Variants in CARMIL1 observed in about 807,000 individuals in gnomAD.
CARMIL1 encodes the protein capping protein regulator and myosin 1 linker 1, also known as F-actin-uncapping protein LRRC16A.
In CARMIL1, 90 loss-of-function variants were observed where a neutral mutation model predicts 177.1. That is an observed-to-expected ratio of 0.51 (90% CI 0.43 to 0.61). The LOEUF (loss-of-function observed/expected upper bound fraction) is 0.61, where lower values mean the gene tolerates loss of function less well. Ranked by LOEUF, CARMIL1 falls within the 20% of genes least tolerant of loss-of-function variation. The pLI is 0.00. For synonymous variants in CARMIL1, 577 were observed against 606.2 expected, an observed-to-expected ratio of 0.95 and a Z score of 0.71; for missense variants, 1,380 against 1,667.0, an observed-to-expected ratio of 0.83 and a Z score of 3.00.
At chr6:25,284,428 G>A (rs776315453) in intron 1 of CARMIL1, among the ~76,000 whole-genome samples, 1 of 152,212 alleles carries the variant, frequency 6.6e-6, no homozygotes, top group African/African-American at 2.4e-5. Flanking sequence ...AAAGACAAAC[G>A]GTCGGGCACG....
At chr6:25,402,257 T>C (rs1793951833) in intron 2 of CARMIL1, among the ~76,000 whole-genome samples, 1 of 152,208 alleles carries the variant, frequency 6.6e-6, no homozygotes, top group Non-Finnish European at 1.5e-5. Context: ...AAGACTCTTC[T>C]ATCTTTATTT....
At chr6:25,495,461 A>G (rs753575186) in intron 16 of CARMIL1, among the ~76,000 whole-genome samples, 1 of 152,102 alleles carries the variant, frequency 6.6e-6, no homozygotes, top group Non-Finnish European at 1.5e-5. Context: ...CTGATCTACA[A>G]AAGTTGTACT....
intron 5 of CARMIL1, among the ~76,000 whole-genome samples, chr6:25,443,969 A>G: frequency 6.6e-6 from 1 of 151,726 alleles, no homozygotes; most frequent in East Asian, 1.9e-4. Context: ...ACGCCCGAAT[A>G]ATTTTGTGTT....
At chr6:25,425,445 T>C (rs766837630) in intron 3 of CARMIL1, among the ~76,000 whole-genome samples, 2 of 152,194 alleles carry the variant, frequency 1.3e-5, no homozygotes, top group Non-Finnish European at 2.9e-5. Flanking sequence ...CAACGTATCA[T>C]GGTACAACAT....
chr6:25,505,475 C>G (rs4711085), intron 17 of CARMIL1, among the ~76,000 whole-genome samples: 1 of 151,742 alleles, frequency 6.6e-6, no homozygotes, highest in African/African-American at 2.4e-5. Context: ...TTAATTGAGA[C>G]GAAGTTTTGC....
intron 8 of CARMIL1, 34 bp downstream of exon 8, chr6:25,450,745 TCCC>T: frequency 1.7e-6 from 1 of 586,766 alleles, no homozygotes; most frequent in Non-Finnish European, 2.6e-6. Flanking sequence ...CCTCCTTTCC[TCCC>T]TCCCTTCCTC....
At chr6:25,441,119 C>T (rs1797702899) in intron 5 of CARMIL1, among the ~76,000 whole-genome samples, 1 of 151,846 alleles carries the variant, frequency 6.6e-6, no homozygotes. Context: ...AATATACAGC[C>T]TGGGCAACAT....
At chr6:25,557,951 C>T (rs1810775592) in intron 29 of CARMIL1, among the ~76,000 whole-genome samples, 1 of 152,120 alleles carries the variant, frequency 6.6e-6, no homozygotes, top group South Asian at 2.1e-4. Context: ...AAGCAACATT[C>T]TAATATCACT....
intron 23 of CARMIL1, among the ~76,000 whole-genome samples, chr6:25,528,271 AC>A (rs1206056962): frequency 1.3e-5 from 2 of 152,168 alleles, no homozygotes; most frequent in Non-Finnish European, 2.9e-5. Flanking sequence ...TTTGAGTTGT[AC>A]CAGCCTGTAT....
chr6:25,500,167 G>A lies in CARMIL1; in HGVS notation c.1327G>A (p.Ala443Thr). The stretch of plus-strand genomic sequence containing the variant: ...AATATGTGTGTTTCCTCCCCTCAGA[G>A]CACTGTTATTGGGCCTGGCTTGTAA... ...GTKLSPEPLK[A>T]LLLGLACNHN... is the part of the protein sequence containing the mutation. Residue 443 changes from alanine (A) to threonine (T), a missense_variant and splice_region_variant, in exon 17 of 37, where the codon GCA (alanine) becomes ACA (threonine). Transcript: ENST00000329474. The A allele has an allele frequency of 1.2e-6, 2 of 1,613,784 alleles. No homozygotes were observed. Among genetic ancestry groups the A allele is most frequent in the Non-Finnish European group, 1.7e-6 (2 of 1,179,748 alleles).
intron 2 of CARMIL1, among the ~76,000 whole-genome samples, chr6:25,370,648 G>A (rs937700087): frequency 4.6e-5 from 7 of 152,278 alleles, no homozygotes; most frequent in African/African-American, 1.7e-4. Flanking sequence ...TGTCTGCCTC[G>A]TAGCTCTTCC....
intron 31 of CARMIL1, among the ~76,000 whole-genome samples, chr6:25,587,471 C>T (rs1813873309): frequency 1.3e-5 from 2 of 152,034 alleles, no homozygotes; most frequent in Admixed American, 6.5e-5. Context: ...TTGCCTACGT[C>T]GTTGAGTTGT....
At chr6:25,389,423 C>T (rs1361683081) in intron 2 of CARMIL1, among the ~76,000 whole-genome samples, 3 of 152,286 alleles carry the variant, frequency 2.0e-5, no homozygotes, top group East Asian at 3.9e-4. Context: ...TCAAGCTATC[C>T]TCCTGCCTCA....
chr6:25,516,489 C>A (rs1806012927), intron 21 of CARMIL1, among the ~76,000 whole-genome samples: 1 of 152,096 alleles, frequency 6.6e-6, no homozygotes, highest in Non-Finnish European at 1.5e-5. Flanking sequence ...CTCAAGGGCT[C>A]TTTCATGATG....
Position 25,580,966 on chromosome 6 carries a change from C to T in CARMIL1, c.2785C>T (p.Leu929=), listed in dbSNP as rs1287680476. 5 of 1,601,428 alleles carry T rather than the reference C, an allele frequency of 3.1e-6. No homozygotes were observed. The change falls in exon 30 of 37, where the codon CTG becomes TTG. Residue 929 remains leucine, a synonymous_variant. Coordinates refer to ENST00000329474, the MANE Select transcript of CARMIL1 (RefSeq NM_017640.6). ...AAGGAAGAGTATCCATAGCCGAATG[C>T]TGCGGCCTGTTTCTAGGGCTTTTGG... ...SKRKSIHSRM[L]RPVSRAFEME...
intron 17 of CARMIL1, among the ~76,000 whole-genome samples, chr6:25,505,454 CTCTCT>C (rs1016548962): frequency 1.3e-5 from 2 of 152,030 alleles, no homozygotes; most frequent in Non-Finnish European, 2.9e-5. Context: ...ATCTTTCATT[CTCTCT>C]TTTTTTTAAT....
At position 25,342,007 on chromosome 6, in the gene CARMIL1, TCAGGGCTAGTTG is replaced by T. The variant is rs529924601; in HGVS notation, c.138+57100_138+57111del. ...GAAAGAAGTTGATATCTTTAAATAT[TCAGGGCTAGTTG>T]CTAGCAACTTACTATGGCTAGTTGT... On this transcript the variant is annotated intron_variant, in intron 2 of 36. Coordinates refer to ENST00000329474, the MANE Select transcript of CARMIL1 (RefSeq NM_017640.6). Among the ~76,000 whole-genome samples, 17 of 152,318 alleles carry T rather than the reference TCAGGGCTAGTTG, an allele frequency of 1.1e-4. No individual in the cohort carries two copies. In the South Asian group the frequency reaches 3.3e-3, roughly 30 times the overall value.
intron 11 of CARMIL1, among the ~76,000 whole-genome samples, chr6:25,475,399 T>C (rs1351218783): frequency 7.3e-6 from 1 of 136,470 alleles, no homozygotes; most frequent in South Asian, 2.3e-4. Flanking sequence ...AGACTCCGTC[T>C]CAAAAAAAAA....
At chr6:25,289,590 A>G (rs1248426110) in intron 2 of CARMIL1, among the ~76,000 whole-genome samples, 1 of 152,308 alleles carries the variant, frequency 6.6e-6, no homozygotes, top group East Asian at 1.9e-4. Flanking sequence ...GCCTTTTTAT[A>G]GCCATACCTA....
Sources: gnomAD v4.1 joint callset for allele counts (sites outside exome capture counted in the v4.1 genomes callset) on GRCh38, gnomAD v4.1.1 for gene constraint, MANE v1.5 for transcripts, NCBI Gene and HGNC (gene_info 2026-07-23, HGNC 2026-07-21) for gene names.